Variants in TTLL5 observed in about 807,000 individuals in gnomAD.
TTLL5 encodes the protein tubulin tyrosine ligase like 5.
TTLL5 carries 132 observed loss-of-function variants against 168.4 expected under a neutral mutation model. That is an observed-to-expected ratio of 0.78 (90% CI 0.68 to 0.91). The LOEUF (loss-of-function observed/expected upper bound fraction) is 0.91. Ranked by LOEUF, TTLL5 falls within the 40% of genes least tolerant of loss-of-function variation. The pLI is 0.00. For missense variants in TTLL5, 1,545 were observed against 1,581.5 expected (o/e 0.98, Z 0.39); for synonymous variants, 546 against 558.6 (o/e 0.98, Z 0.32).
At position 75,882,784 on chromosome 14, in the gene TTLL5, C is replaced by T. The variant is rs2031888978; in HGVS notation, c.3622C>T (p.Pro1208Ser). The T allele has an allele frequency of 1.2e-6, 2 of 1,613,932 alleles. No individual in the cohort carries two copies. Among genetic ancestry groups the T allele is most frequent in the African/African-American group, 1.3e-5 (1 of 74,870 alleles). Residue 1208 changes from proline to serine, a missense_variant, in exon 30 of 32, where the codon CCA (proline) becomes TCA (serine). By Grantham distance (74) the Pro-to-Ser change is moderately conservative. Transcript: ENST00000298832. ...CAGTGCCACAGCTAGTGGCCAGAAG[C>T]CAACCACTCTGCCACAAAAAGTGGT... ...ISSATASGQK[P>S]TTLPQKVVPP... is the part of the protein sequence containing the mutation.
At chr14:75,696,613 ATTAT>A (rs1046842508) in intron 6 of TTLL5, among the ~76,000 whole-genome samples, 4 of 152,242 alleles carry the variant, frequency 2.6e-5, no homozygotes, top group African/African-American at 9.6e-5. Flanking sequence ...GGACTTATAA[ATTAT>A]ATTTTTTGAA....
At chr14:75,841,218 C>T (rs1170599427) in intron 28 of TTLL5, among the ~76,000 whole-genome samples, 5 of 152,148 alleles carry the variant, frequency 3.3e-5, no homozygotes, top group Admixed American at 1.3e-4. Context: ...ACAGCCAAAC[C>T]GTATCACCTT....
chr14:75,812,130 C>T (rs190519376), intron 27 of TTLL5, among the ~76,000 whole-genome samples: 32 of 152,224 alleles, frequency 2.1e-4, no homozygotes, highest in African/African-American at 6.0e-4. Flanking sequence ...AAAGGAAAAA[C>T]GCACTGAGGT....
intron 1 of TTLL5, chr14:75,661,591 G>GGGT (rs1890730182): frequency 6.6e-6 from 1 of 152,348 alleles, no homozygotes; most frequent in African/African-American, 2.4e-5. Flanking sequence ...GGTGAGCTGG[G>GGGT]GGTGGGGCTG....
chr14:75,831,050 A>G (rs768832592), intron 28 of TTLL5, among the ~76,000 whole-genome samples: 1 of 152,246 alleles, frequency 6.6e-6, no homozygotes, highest in Non-Finnish European at 1.5e-5. Context: ...TTTCTCAGTC[A>G]TAAAAGCCAC....
intron 31 of TTLL5, among the ~76,000 whole-genome samples, chr14:75,908,604 G>C (rs1350292163): frequency 6.6e-6 from 1 of 152,190 alleles, no homozygotes; most frequent in Non-Finnish European, 1.5e-5. Flanking sequence ...TTATCAGAGT[G>C]GAGGGAGCTG....
chr14:75,902,570 C>T (rs1416221696), intron 31 of TTLL5: 3 of 473,962 alleles, frequency 6.3e-6, no homozygotes, highest in Admixed American at 4.7e-5. Flanking sequence ...CTCACACAGC[C>T]CTGTGAGTTT....
rs548971289 is a variant in TTLL5, at chr14:75,700,668, C to G, written c.585+1398C>G. 1.1e-3 allele frequency among the ~76,000 whole-genome samples: 160 copies of G among 152,266 alleles called. 2 individuals carry two copies. Among genetic ancestry groups the G allele is most frequent in the African/African-American group, 3.1e-3 (129 of 41,554 alleles). ...CTCAAGTTGTCGGCTTGGCCCTCTT[C>G]CACGTGTACTTTACTTCCTTTCATT... is the stretch of plus-strand genomic sequence containing the variant. On this transcript the variant is annotated intron_variant, in intron 7 of 31. Transcript: ENST00000298832.
chr14:75,850,825 A>C (rs1436382004), intron 28 of TTLL5, among the ~76,000 whole-genome samples: 1 of 151,948 alleles, frequency 6.6e-6, no homozygotes, highest in Admixed American at 6.6e-5. Flanking sequence ...TAACAATAGA[A>C]GGACAGGTGC....
Position 75,863,861 on chromosome 14 carries a change from A to T in TTLL5, c.3521A>T (p.Gln1174Leu), listed in dbSNP as rs2030239631. 6.4e-7 allele frequency: 1 copy of T among 1,569,712 alleles called. No individual in the cohort carries two copies. Among genetic ancestry groups the T allele is most frequent in the Non-Finnish European group, 8.7e-7 (1 of 1,152,304 alleles). Residue 1174 changes from glutamine to leucine, a missense_variant and splice_region_variant, in exon 29 of 32, where the codon CAG becomes CTG. Coordinates refer to ENST00000298832, the MANE Select transcript of TTLL5 (RefSeq NM_015072.5). ...CTGGACCAGAGTCGAGCCCGGCACC[A>T]GGTAATTCAAGATAAGTCTTTTCCA... ...QLLDQSRARH[Q>L]AIFGSQTLPN...
At position 75,661,306 on chromosome 14, in the gene TTLL5, G is replaced by A. The variant is rs920317850; in HGVS notation, c.-177G>A. On this transcript the variant is annotated 5_prime_UTR_variant, in exon 1 of 32. Transcript: ENST00000298832. ...AAGCAGCCGTCGGCGGCTGCCCTGA[G>A]CCTTCCTGGGGAAGGAGGAGGGAGG... 1 of 152,270 alleles carries A rather than the reference G, an allele frequency of 6.6e-6. No homozygotes were observed. Among genetic ancestry groups the A allele is most frequent in the Non-Finnish European group, 1.5e-5 (1 of 68,074 alleles). The allele number at this position is 152,270 out of a possible 1,614,324, so 9.4% of individuals were successfully genotyped here. A position where few individuals can be genotyped will look rare whatever the true frequency, so the allele number is the denominator to read the frequency against.
At chr14:75,702,915 A>G (rs1342257690) in intron 7 of TTLL5, among the ~76,000 whole-genome samples, 2 of 152,176 alleles carry the variant, frequency 1.3e-5, no homozygotes, top group Admixed American at 6.5e-5. Context: ...ATAATGGGAA[A>G]ATACTCCTGT....
rs55874311 is a variant in TTLL5 at position 75,855,150 on chromosome 14, GAA to G, written c.3327-8502_3327-8501del. On this transcript the variant is annotated intron_variant, in intron 28 of 31. Transcript: ENST00000298832. ...TCCTGCCACCAGAGGTATGCTAGAA[GAA>G]AAAAAAAAAAAAAAGAAATAAGAAA... 2.2e-3 allele frequency among the ~76,000 whole-genome samples: 292 copies of G among 130,418 alleles called. 1 individual carries two copies. The highest frequency in any genetic ancestry group is 3.9e-3 in the Middle Eastern group (1 of 254). 85.6% of individuals were successfully genotyped at this position (130,418 alleles called of 152,430 possible).
chr14:75,835,984 A>G (rs1895844460), intron 28 of TTLL5, among the ~76,000 whole-genome samples: 1 of 152,178 alleles, frequency 6.6e-6, no homozygotes, highest in South Asian at 2.1e-4. Context: ...CAGTTTGGAG[A>G]TTCCTCAAAA....
At chr14:75,899,033 T>C (rs73321456) in intron 30 of TTLL5, among the ~76,000 whole-genome samples, 5,076 of 152,282 alleles carry the variant, frequency 0.033, 312 homozygotes, top group African/African-American at 0.12. Flanking sequence ...GATAGACTTA[T>C]AGTGAATGCA....
intron 31 of TTLL5, among the ~76,000 whole-genome samples, chr14:75,923,171 T>C (rs897885266): frequency 1.3e-5 from 2 of 152,246 alleles, no homozygotes; most frequent in African/African-American, 4.8e-5. Flanking sequence ...CCTGGATTCA[T>C]TGGGTTTTTT....
chr14:75,676,792 A>G (rs984946517), intron 3 of TTLL5, among the ~76,000 whole-genome samples: 1 of 150,318 alleles, frequency 6.7e-6, no homozygotes, highest in Non-Finnish European at 1.5e-5. Context: ...TTTTTCTGAA[A>G]CAGGGTCTTG....
intron 29 of TTLL5, among the ~76,000 whole-genome samples, chr14:75,876,759 T>C (rs1234418541): frequency 6.6e-6 from 1 of 152,206 alleles, no homozygotes; most frequent in Admixed American, 6.5e-5. Context: ...AAGAACTCCA[T>C]ACAGTGTGAG....
At chr14:75,715,487 A>G (rs1300804613) in intron 9 of TTLL5, among the ~76,000 whole-genome samples, 4 of 152,146 alleles carry the variant, frequency 2.6e-5, no homozygotes, top group African/African-American at 9.7e-5. Context: ...AATAGTGGTC[A>G]GATGATGATG....
Sources: allele counts gnomAD v4.1 joint callset (sites outside exome capture counted in the v4.1 genomes callset), GRCh38; gene constraint gnomAD v4.1.1; transcripts MANE v1.5; gene names NCBI Gene and HGNC (gene_info 2026-07-23, HGNC 2026-07-21).